The following SELENOI variants were observed in gnomAD, a reference collection of about 807,000 sequenced individuals.
SELENOI encodes selenoprotein I.
Under a neutral mutation model 50.7 loss-of-function variants are expected in SELENOI, and 24 were observed. The ratio of observed to expected loss-of-function variants is 0.47; its 90% confidence interval spans 0.34 to 0.67. The LOEUF is 0.67. Among genes scored for constraint, SELENOI ranks in the 30% least tolerant of loss-of-function variants. The probability of loss-of-function intolerance (pLI) is 0.01; values close to 1 mark genes in which losing one functional copy is unlikely to be tolerated. For synonymous variants in SELENOI, 155 were observed against 170.2 expected (o/e 0.91, Z 0.70); for missense variants, 352 against 461.4 (o/e 0.76, Z 2.17).
Position 26,386,472 on chromosome 2 carries a change from G to A in SELENOI, c.1031G>A (p.Ser344Asn). 6.2e-7 allele frequency: 1 copy of A among 1,613,898 alleles called. No homozygotes were observed. The highest frequency in any genetic ancestry group is 8.5e-7 in the Non-Finnish European group (1 of 1,179,864). The change falls in exon 9 of 10, where the codon AGC (serine) becomes AAC (asparagine). Residue 344 changes from serine (S) to asparagine (N), a missense_variant. Ser to Asn is a conservative substitution (Grantham distance 46). Transcript: ENST00000260585. Reference sequence around the variant, plus strand: ...CTAGGAGTAGCCTCTTACGTTGAGAGCATTCTCCTGTATACATTAACAACT... The same window carrying A: ...CTAGGAGTAGCCTCTTACGTTGAGAACATTCTCCTGTATACATTAACAACT... The part of the protein sequence containing the change: ...VNLGVASYVE[S>N]ILLYTLTTAF...
chr2:26,368,194 G>A (rs896250832), intron 4 of SELENOI, among the ~76,000 whole-genome samples: 2 of 152,228 alleles, frequency 1.3e-5, no homozygotes, highest in Non-Finnish European at 2.9e-5. Flanking sequence ...AGAGCTGCAA[G>A]AGTTTGGAGA....
chr2:26,393,515 G>A lies in SELENOI; in HGVS notation c.*4412G>A, dbSNP rs777271728. The A allele has an allele frequency of 1.3e-5, 2 of 152,232 alleles. No individual in the cohort carries two copies. The highest frequency in any genetic ancestry group is 2.4e-5 in the African/African-American group (1 of 41,432). The allele number at this position is 152,232 out of a possible 1,614,324, so 9.4% of individuals were successfully genotyped here. ...CTTAAGCGAGGGGGTTGTGTTGCAT[G>A]TGCTTAGAAAGGCCAGGATCCCAGA... On this transcript the variant is annotated 3_prime_UTR_variant, in exon 10 of 10. Transcript: ENST00000260585.
In SELENOI at chr2:26,394,509, G is replaced by T. The variant is rs759353492; in HGVS notation, c.*5406G>T. 2 of 152,110 alleles carry T rather than the reference G, an allele frequency of 1.3e-5. No homozygotes were observed. The highest frequency in any genetic ancestry group is 2.9e-5 in the Non-Finnish European group (2 of 68,008). 9.4% of individuals were successfully genotyped at this position (152,110 alleles called of 1,614,324 possible). A position where few individuals can be genotyped will look rare whatever the true frequency, so the allele number is the denominator to read the frequency against. On this transcript the variant is annotated 3_prime_UTR_variant, in exon 10 of 10. Transcript: ENST00000260585. This position sits in a 1 kb window ranked among gnomAD's most constrained non-coding sequence, Gnocchi z 4.1. ...CTCACAATATTAACTTTTTTTGTAG[G>T]TTATTTTGTTGTTTAGATAACTTGC...
At chr2:26,353,952 G>A (rs1677012310) in intron 1 of SELENOI, among the ~76,000 whole-genome samples, 1 of 152,134 alleles carries the variant, frequency 6.6e-6, no homozygotes, top group South Asian at 2.1e-4. Flanking sequence ...TGGGAACCAA[G>A]GCACAGAGAC....
chr2:26,370,449 CCCTCA>C (rs936557208), intron 4 of SELENOI, among the ~76,000 whole-genome samples: 1 of 151,388 alleles, frequency 6.6e-6, no homozygotes, highest in Non-Finnish European at 1.5e-5. Context: ...GCAGAGGCAC[CCCTCA>C]CCTCCCGGAC....
intron 6 of SELENOI, among the ~76,000 whole-genome samples, chr2:26,378,876 G>A (rs1210170782): frequency 1.3e-5 from 2 of 152,130 alleles, no homozygotes; most frequent in South Asian, 2.1e-4. Flanking sequence ...ATATTTCACT[G>A]TGTATCTCTA....
chr2:26,381,891 G>A (rs1441150396), intron 6 of SELENOI, among the ~76,000 whole-genome samples: 1 of 152,192 alleles, frequency 6.6e-6, no homozygotes, highest in African/African-American at 2.4e-5. Context: ...TAAGGCCATA[G>A]CTGCATTGAC....
At chr2:26,356,975 A>T (rs551152303) in intron 1 of SELENOI, among the ~76,000 whole-genome samples, 1 of 152,198 alleles carries the variant, frequency 6.6e-6, no homozygotes, top group African/African-American at 2.4e-5. Context: ...CACACACGTG[A>T]GTCATACAGT....
Position 26,389,762 on chromosome 2 carries a change from A to G in SELENOI, c.*659A>G, listed in dbSNP as rs1176623623. 4 of 152,474 alleles carry G rather than the reference A, an allele frequency of 2.6e-5. No individual in the cohort carries two copies. The East Asian group carries it at 7.7e-4, about 29-fold the overall frequency. 9.4% of individuals were successfully genotyped at this position (152,474 alleles called of 1,614,324 possible). The stretch of plus-strand genomic sequence containing the variant: ...GAAATAATCAGTTGAGAATTTGAGA[A>G]TGGGTTGTAATTATCGCTCACCCAT... On this transcript the variant is annotated 3_prime_UTR_variant, in exon 10 of 10. Transcript: ENST00000260585.
chr2:26,354,295 G>A (rs1038106507), intron 1 of SELENOI, among the ~76,000 whole-genome samples: 1 of 152,086 alleles, frequency 6.6e-6, no homozygotes, highest in Admixed American at 6.5e-5. Flanking sequence ...CAATCAGTCT[G>A]GAGTCCATGT....
chr2:26,373,232 G>A, intron 4 of SELENOI, 135 bp from the exon 5 acceptor site: 1 of 1,060,822 alleles, frequency 9.4e-7, no homozygotes, highest in South Asian at 1.7e-5. Flanking sequence ...GATTTTTATA[G>A]TACCAGCTGA....
In SELENOI at chr2:26,385,124, T is replaced by C. The variant is rs934280; in HGVS notation, c.897T>C (p.Ala299=). The stretch of plus-strand genomic sequence containing the variant: ...TATTCTACTTTATGGTTGGAACAGC[T>C]TTTGCCAACAGTACAGTAAGATTTT... The part of the protein sequence containing the change: ...PRVFYFMVGT[A]FANSTCQLIV... The change falls in exon 8 of 10, where the codon GCT becomes GCC. Residue 299 remains alanine (A), a synonymous_variant. Coordinates refer to ENST00000260585, the MANE Select transcript of SELENOI (RefSeq NM_033505.4). 0.97 allele frequency: 1,530,569 copies of C among 1,585,298 alleles called. 739,251 individuals carry two copies. Among genetic ancestry groups the C allele is most frequent in the South Asian group, 0.98 (82,901 of 84,396 alleles).
chr2:26,384,906 T>C, intron 7 of SELENOI, 53 bp from the exon 8 acceptor site: 1 of 1,320,550 alleles, frequency 7.6e-7, no homozygotes. Context: ...GTACAAGTAC[T>C]GTACAATTTA....
intron 1 of SELENOI, among the ~76,000 whole-genome samples, chr2:26,350,857 G>A (rs1463870378): frequency 6.6e-6 from 1 of 152,014 alleles, no homozygotes; most frequent in African/African-American, 2.4e-5. Context: ...AGAGAGAGAT[G>A]CTGCTCCATT....
intron 5 of SELENOI, among the ~76,000 whole-genome samples, chr2:26,374,695 A>G (rs887077864): frequency 2.0e-5 from 3 of 151,558 alleles, no homozygotes; most frequent in Admixed American, 2.0e-4. Context: ...CAGCCTCCCA[A>G]GTAGCTGGGA....
At chr2:26,377,467 A>G (rs1037126250) in intron 6 of SELENOI, among the ~76,000 whole-genome samples, 4 of 151,968 alleles carry the variant, frequency 2.6e-5, no homozygotes, top group African/African-American at 7.3e-5. Context: ...ACGTCTCTAC[A>G]AAAAAATAGA....
chr2:26,348,716 A>G (rs181938129), intron 1 of SELENOI, among the ~76,000 whole-genome samples: 1 of 150,042 alleles, frequency 6.7e-6, no homozygotes, highest in African/African-American at 2.4e-5. Flanking sequence ...CTTTAATAAC[A>G]TGACTGAGGT....
chr2:26,346,334 C>T, intron 1 of SELENOI, 45 bp downstream of exon 1: 2 of 1,580,772 alleles, frequency 1.3e-6, no homozygotes, highest in Middle Eastern at 1.8e-4. Context: ...CCCGGCCTCG[C>T]CCAGGCGGCT....
chr2:26,394,222 C>G lies in SELENOI; in HGVS notation c.*5119C>G, dbSNP rs1423146696. The G allele has an allele frequency of 6.6e-6, 1 of 152,108 alleles. No homozygotes were observed. Among genetic ancestry groups the G allele is most frequent in the Non-Finnish European group, 1.5e-5 (1 of 68,020 alleles). 9.4% of individuals were successfully genotyped at this position (152,108 alleles called of 1,614,324 possible). A position where few individuals can be genotyped will look rare whatever the true frequency, so the allele number is the denominator to read the frequency against. ...CCTGAGCAACATGGCGAAACCCCGTCTGTAATAAAAATACAAAAAAATTAG... is the reference window on the plus strand; with the variant it reads ...CCTGAGCAACATGGCGAAACCCCGTGTGTAATAAAAATACAAAAAAATTAG... On this transcript the variant is annotated 3_prime_UTR_variant, in exon 10 of 10. Coordinates refer to ENST00000260585, the MANE Select transcript of SELENOI (RefSeq NM_033505.4). The surrounding 1 kb of genome is among the most constrained non-coding windows in gnomAD (Gnocchi z 4.1).
Sources: allele counts gnomAD v4.1 joint callset (sites outside exome capture counted in the v4.1 genomes callset), GRCh38; gene constraint gnomAD v4.1.1; non-coding constraint Gnocchi (gnomAD v3.1); transcripts MANE v1.5; gene names NCBI Gene and HGNC (gene_info 2026-07-23, HGNC 2026-07-21).